Variants in ARFIP2 observed in about 807,000 individuals in gnomAD.
The protein encoded by ARFIP2 is ARF interacting protein 2.
Under a neutral mutation model 39.2 loss-of-function variants are expected in ARFIP2, and 14 were observed. The observed-to-expected ratio is 0.36, with a 90% CI of 0.24 to 0.56. ARFIP2 has a LOEUF of 0.56. Ranked by LOEUF, ARFIP2 falls within the 20% of genes least tolerant of loss-of-function variation. ARFIP2 has a pLI of 0.85. For missense variants in ARFIP2, 305 were observed against 422.5 expected (o/e 0.72, Z 2.44); for synonymous variants, 167 against 172.4 (o/e 0.97, Z 0.24).
Position 6,477,916 on chromosome 11 carries a change from G to A in ARFIP2, c.696-24C>T, listed in dbSNP as rs1174253156. 1 of 1,612,742 alleles carries A rather than the reference G, an allele frequency of 6.2e-7. No individual in the cohort carries two copies. The highest frequency in any genetic ancestry group is 1.3e-5 in the African/African-American group (1 of 74,924). On this transcript the variant is annotated intron_variant, in intron 6 of 7. Coordinates refer to ENST00000396777, the MANE Select transcript of ARFIP2 (RefSeq NM_001376558.2). The surrounding 1 kb of genome is among the most constrained non-coding windows in gnomAD (Gnocchi z 4.8). ...GCCTGGGGAGGGGGTGATAAAGGCT[G>A]GTCTCCACTCCTTTATCCTCAACAC... is the stretch of plus-strand genomic sequence containing the variant.
chr11:6,481,297 T>A lies in ARFIP2; in HGVS notation c.-109A>T, dbSNP rs896339252. On this transcript the variant is annotated 5_prime_UTR_variant, in exon 1 of 8. Transcript: ENST00000396777. ...GCCGCGCGGGGACCTCGGGCTCCAG[T>A]TCCCGTCGCGATCCTAGCAGCAGGT... 4.2e-5 allele frequency: 29 copies of A among 695,638 alleles called. No homozygotes were observed. The highest frequency in any genetic ancestry group is 6.0e-5 in the Admixed American group (2 of 33,392). 43.1% of individuals were successfully genotyped at this position (695,638 alleles called of 1,614,324 possible). A position where few individuals can be genotyped will look rare whatever the true frequency, so the allele number is the denominator to read the frequency against.
At position 6,478,172 on chromosome 11, in the gene ARFIP2, T is replaced by C. The variant is rs375888975; in HGVS notation, c.564A>G (p.Thr188=). 20 of 1,613,966 alleles carry C rather than the reference T, an allele frequency of 1.2e-5. No individual in the cohort carries two copies. Among genetic ancestry groups the C allele is most frequent in the South Asian group, 2.2e-5 (2 of 91,074 alleles). Residue 188 remains threonine (T), a synonymous_variant, in exon 6 of 8, where the codon ACA becomes ACG. Transcript: ENST00000396777. This position sits in a 1 kb window ranked among gnomAD's most constrained non-coding sequence, Gnocchi z 4.8. Reference sequence around the variant, plus strand: ...CCCCATTCTTGCATAGTAGTTTCTGTGTCTCTGCATTGTAGCCAAATTCCT... The same window carrying C: ...CCCCATTCTTGCATAGTAGTTTCTGCGTCTCTGCATTGTAGCCAAATTCCT... ...LQEEFGYNAE[T]QKLLCKNGET...
chr11:6,477,836 T>TC lies in ARFIP2; in HGVS notation c.751dup (p.Asp251GlyfsTer9), dbSNP rs775997400. The TC allele has an allele frequency of 6.2e-7, 1 of 1,613,934 alleles. No homozygotes were observed. The highest frequency in any genetic ancestry group is 1.1e-5 in the South Asian group (1 of 91,084). On this transcript the variant is annotated frameshift_variant, in exon 7 of 8. Transcript: ENST00000396777. LOFTEE classifies it high-confidence loss of function. This position sits in a 1 kb window ranked among gnomAD's most constrained non-coding sequence, Gnocchi z 4.8. ...CTCAAGTCGACCACGTGTCCCTGCA[T>TC]CCCGGGGGCCTAGACTCAGCTCCTC...
Position 6,478,531 on chromosome 11 carries a change from G to C in ARFIP2, c.537+207C>G. The C allele has an allele frequency of 4.2e-6, 6 of 1,415,820 alleles. No homozygotes were observed. The South Asian group carries it at 8.9e-5, about 21-fold the overall frequency. 87.7% of individuals were successfully genotyped at this position (1,415,820 alleles called of 1,614,324 possible). On this transcript the variant is annotated intron_variant, in intron 5 of 7. Transcript: ENST00000396777. This position sits in a 1 kb window ranked among gnomAD's most constrained non-coding sequence, Gnocchi z 4.8. ...AGAGGGGTTATTTGTGAGGCACCTAGTGTGCCCCCTCCCCCACCCCCTCCA... is the reference window on the plus strand; with the variant it reads ...AGAGGGGTTATTTGTGAGGCACCTACTGTGCCCCCTCCCCCACCCCCTCCA...
At chr11:6,480,160 A>G in intron 2 of ARFIP2, 92 bp from the exon 3 acceptor site, 1 of 1,324,768 alleles carries the variant, frequency 7.5e-7, no homozygotes, top group South Asian at 1.2e-5. Context: ...AGCATCATAA[A>G]GATAGTACAC....
At chr11:6,479,799 A>T (rs1851522270) in intron 3 of ARFIP2, 173 bp downstream of exon 3, 1 of 656,536 alleles carries the variant, frequency 1.5e-6, no homozygotes, top group African/African-American at 1.8e-5. Context: ...AGGGAAATGG[A>T]TGGACAACGC....
chr11:6,477,889 C>A lies in ARFIP2; in HGVS notation c.699G>T (p.Leu233=). 6.2e-7 allele frequency: 1 copy of A among 1,613,818 alleles called. No homozygotes were observed. The highest frequency in any genetic ancestry group is 8.5e-7 in the Non-Finnish European group (1 of 1,179,856). ...MTVKQYEAAR[L]EYDAYRTDLE... ...AGTCTGTTCGGTAGGCATCATATTC[C>A]AGCCTGGGGAGGGGGTGATAAAGGC... is the stretch of plus-strand genomic sequence containing the variant. Residue 233 remains leucine, a synonymous_variant, in exon 7 of 8, where the codon CTG becomes CTT. Transcript: ENST00000396777. This position sits in a 1 kb window ranked among gnomAD's most constrained non-coding sequence, Gnocchi z 4.8.
At chr11:6,480,641 C>G (rs1851642622) in intron 1 of ARFIP2, 178 bp from the exon 2 acceptor site, 3 of 484,484 alleles carry the variant, frequency 6.2e-6, no homozygotes, top group Admixed American at 3.9e-5. Context: ...AACAGGCACA[C>G]CAAAGCACGG....
chr11:6,477,825 G>A lies in ARFIP2; in HGVS notation c.763C>T (p.Arg255Cys), dbSNP rs149780888. 14 of 1,613,978 alleles carry A rather than the reference G, an allele frequency of 8.7e-6. No individual in the cohort carries two copies. The highest frequency in any genetic ancestry group is 3.3e-5 in the South Asian group (3 of 91,084). Residue 255 changes from arginine to cysteine, a missense_variant, in exon 7 of 8, where the codon CGT becomes TGT. Coordinates refer to ENST00000396777, the MANE Select transcript of ARFIP2 (RefSeq NM_001376558.2). This position sits in a 1 kb window ranked among gnomAD's most constrained non-coding sequence, Gnocchi z 4.8. The part of the protein sequence containing the change: ...LSLGPRDAGT[R>C]GRLESAQATF... ...GCCTGGGCACTCTCAAGTCGACCAC[G>A]TGTCCCTGCATCCCGGGGGCCTAGA...
In ARFIP2 at chr11:6,478,347, GA is replaced by G. The variant is rs1473727554; in HGVS notation, c.538-150del. ...GCCTCCAGCAAGGCTCTCTTAGCCG[GA>G]AAGTTAGTGGGATCACCCTGGGGAT... On this transcript the variant is annotated intron_variant, in intron 5 of 7. Coordinates refer to ENST00000396777, the MANE Select transcript of ARFIP2 (RefSeq NM_001376558.2). The surrounding 1 kb of genome is among the most constrained non-coding windows in gnomAD (Gnocchi z 4.8). 18 of 1,119,532 alleles carry G rather than the reference GA, an allele frequency of 1.6e-5. No individual in the cohort carries two copies. In the Admixed American group the frequency reaches 2.4e-4, roughly 15 times the overall value. 69.3% of individuals were successfully genotyped at this position (1,119,532 alleles called of 1,614,324 possible). A position where few individuals can be genotyped will look rare whatever the true frequency, so the allele number is the denominator to read the frequency against.
rs1014100872 is a variant in ARFIP2, at chr11:6,480,557, T to C, written c.-42-94A>G. On this transcript the variant is annotated intron_variant, in intron 1 of 7. Transcript: ENST00000396777. The stretch of plus-strand genomic sequence containing the variant: ...TTTCTTTAAAGGCTGTCCCAGGGTT[T>C]GAGTGTCCCAGCGTTTGGCCATCAT... 16 of 651,340 alleles carry C rather than the reference T, an allele frequency of 2.5e-5. No homozygotes were observed. The Admixed American group carries it at 4.9e-4, about 20-fold the overall frequency. 40.3% of individuals were successfully genotyped at this position (651,340 alleles called of 1,614,324 possible).
Position 6,478,035 on chromosome 11 carries a change from C to T in ARFIP2, c.695+6G>A. ...CCCAAACCCTAAGCCCTGCCAGTGC[C>T]CACACCTGGCAGCCTCATACTGTTT... On this transcript the variant is annotated splice_donor_region_variant and intron_variant, in intron 6 of 7. Transcript: ENST00000396777. This position sits in a 1 kb window ranked among gnomAD's most constrained non-coding sequence, Gnocchi z 4.8. 6.2e-7 allele frequency: 1 copy of T among 1,613,356 alleles called. No homozygotes were observed. The highest frequency in any genetic ancestry group is 1.3e-5 in the African/African-American group (1 of 74,998).
intron 3 of ARFIP2, chr11:6,479,555 T>A: frequency 1.7e-6 from 1 of 592,084 alleles, no homozygotes; most frequent in Non-Finnish European, 3.0e-6. Flanking sequence ...GAGTCAAGGA[T>A]GGTGGGTCAT....
In ARFIP2 at chr11:6,478,245, G is replaced by T. The variant is rs770719992; in HGVS notation, c.538-47C>A. The T allele has an allele frequency of 1.2e-6, 2 of 1,607,614 alleles. No homozygotes were observed. Among genetic ancestry groups the T allele is most frequent in the South Asian group, 1.1e-5 (1 of 90,534 alleles). ...AGACCTTGAATAACACTCCCTACCTGACTGAAGCTGTAGAGCCCTTCATTC... is the reference window on the plus strand; with the variant it reads ...AGACCTTGAATAACACTCCCTACCTTACTGAAGCTGTAGAGCCCTTCATTC... On this transcript the variant is annotated intron_variant, in intron 5 of 7. Transcript: ENST00000396777. This position sits in a 1 kb window ranked among gnomAD's most constrained non-coding sequence, Gnocchi z 4.8.
chr11:6,480,570 G>A (rs1024737762), intron 1 of ARFIP2, 107 bp from the exon 2 acceptor site: 12 of 608,214 alleles, frequency 2.0e-5, no homozygotes, highest in Non-Finnish European at 3.1e-5. Flanking sequence ...GTGTCCCAGC[G>A]TTTGGCCATC....
In ARFIP2 at chr11:6,480,355, T is replaced by C. The variant is rs1218567583; in HGVS notation, c.67A>G (p.Arg23Gly). ...AGCCCATCATCTTCAGGAAGCTGCC[T>C]GGCTTCGCCGTTCCCGTGGATAGGG... ...EIPIHGNGEA[R>G]QLPEDDGLEQ... Residue 23 changes from arginine to glycine, a missense_variant, in exon 2 of 8, where the codon AGG becomes GGG. Arg to Gly is a moderately radical substitution (Grantham distance 125). This residue lies in a region of ARFIP2 where 151 missense variants were observed against 203.1 expected (regional missense o/e 0.74). Transcript: ENST00000396777. The C allele has an allele frequency of 1.2e-6, 2 of 1,613,754 alleles. No individual in the cohort carries two copies. The highest frequency in any genetic ancestry group is 1.7e-6 in the Non-Finnish European group (2 of 1,179,852).
At position 6,477,415 on chromosome 11, in the gene ARFIP2, A is replaced by G. The variant is rs1851198247; in HGVS notation, c.871-147T>C. The G allele has an allele frequency of 6.0e-6, 6 of 1,004,164 alleles. No homozygotes were observed. Among genetic ancestry groups the G allele is most frequent in the Admixed American group, 2.8e-5 (1 of 35,382 alleles). The allele number at this position is 1,004,164 out of a possible 1,614,324, so 62.2% of individuals were successfully genotyped here. A position where few individuals can be genotyped will look rare whatever the true frequency, so the allele number is the denominator to read the frequency against. On this transcript the variant is annotated intron_variant, in intron 7 of 7. Transcript: ENST00000396777. The surrounding 1 kb of genome is among the most constrained non-coding windows in gnomAD (Gnocchi z 4.8). ...GGGGCTGAACTCTACCCAGGGAGTC[A>G]AAGGAGAAGGGTCAGTATGATGGAA...
At position 6,476,942 on chromosome 11, in the gene ARFIP2, G is replaced by C. The variant is rs530514856; in HGVS notation, c.*171C>G. Reference sequence around the variant, plus strand: ...CAGGGCAGCAACTTCTGGGCCTCCAGGCCCTCTTCCCACCATAGCAATGTG... The same window carrying C: ...CAGGGCAGCAACTTCTGGGCCTCCACGCCCTCTTCCCACCATAGCAATGTG... On this transcript the variant is annotated 3_prime_UTR_variant, in exon 8 of 8. Transcript: ENST00000396777. 1 of 706,576 alleles carries C rather than the reference G, an allele frequency of 1.4e-6. No individual in the cohort carries two copies. Among genetic ancestry groups the C allele is most frequent in the Non-Finnish European group, 2.2e-6 (1 of 445,256 alleles). 43.8% of individuals were successfully genotyped at this position (706,576 alleles called of 1,614,324 possible).
rs747765312 is a variant in ARFIP2, at chr11:6,478,215, G to A, written c.538-17C>T. 5 of 1,613,838 alleles carry A rather than the reference G, an allele frequency of 3.1e-6. No individual in the cohort carries two copies. The Admixed American group carries it at 6.7e-5, about 22-fold the overall frequency. ...AAATTCCTCCTGAGGGCAGAAGGGAGGAACAGACCTTGAATAACACTCCCT... is the reference window on the plus strand; with the variant it reads ...AAATTCCTCCTGAGGGCAGAAGGGAAGAACAGACCTTGAATAACACTCCCT... On this transcript the variant is annotated splice_polypyrimidine_tract_variant and intron_variant, in intron 5 of 7. Coordinates refer to ENST00000396777, the MANE Select transcript of ARFIP2 (RefSeq NM_001376558.2). This position sits in a 1 kb window ranked among gnomAD's most constrained non-coding sequence, Gnocchi z 4.8.
Sources: allele counts gnomAD v4.1 joint callset, GRCh38; gene constraint gnomAD v4.1.1; regional missense constraint gnomAD v4.1.1; non-coding constraint Gnocchi (gnomAD v3.1); transcripts MANE v1.5; gene names NCBI Gene and HGNC (gene_info 2026-07-23, HGNC 2026-07-21).